The following NUDT9 variants were observed in gnomAD, a reference collection of about 807,000 sequenced individuals.
NUDT9 encodes ADP-ribose pyrophosphatase.
Under a neutral mutation model 41.0 loss-of-function variants are expected in NUDT9, and 31 were observed. The ratio of observed to expected loss-of-function variants is 0.76; its 90% CI spans 0.57 to 1.02. The LOEUF is 1.02. Ranked by LOEUF, NUDT9 falls within the 50% of genes least tolerant of loss-of-function variation. NUDT9 has a pLI of 0.00. For missense variants in NUDT9, 380 were observed against 431.4 expected (o/e 0.88, Z 1.06); for synonymous variants, 146 against 147.6 (o/e 0.99, Z 0.08).
chr4:87,452,033 C>T lies in NUDT9; in HGVS notation c.789+298C>T, dbSNP rs185610551. On this transcript the variant is annotated intron_variant, in intron 6 of 7. Transcript: ENST00000302174. ...TTCTTTTTTTTTTGAGATGGAGTCT[C>T]GCTCTGTCACCCAGGCTGGAGTGCA... Among the ~76,000 whole-genome samples, 9 of 151,358 alleles carry T rather than the reference C, an allele frequency of 5.9e-5. No individual in the cohort carries two copies. The East Asian group carries it at 9.7e-4, about 16-fold the overall frequency.
At chr4:87,446,625 T>C (rs1198969222) in intron 4 of NUDT9, among the ~76,000 whole-genome samples, 5 of 152,228 alleles carry the variant, frequency 3.3e-5, no homozygotes, top group Non-Finnish European at 7.3e-5. Context: ...GGAACCAGAT[T>C]GTCCAGGTTC....
At chr4:87,455,630 G>T (rs4642210) in intron 7 of NUDT9, among the ~76,000 whole-genome samples, 1 of 150,382 alleles carries the variant, frequency 6.6e-6, no homozygotes, top group African/African-American at 2.5e-5. Flanking sequence ...GCCTTTTAGC[G>T]TGCTTTTAGT....
intron 5 of NUDT9, 80 bp from the exon 6 acceptor site, chr4:87,451,509 T>C: frequency 9.1e-7 from 1 of 1,096,584 alleles, no homozygotes; most frequent in Non-Finnish European, 1.3e-6. Flanking sequence ...ATAATAAATG[T>C]TCACTCTACT....
intron 5 of NUDT9, 109 bp from the exon 6 acceptor site, chr4:87,451,480 A>G: frequency 1.2e-6 from 1 of 801,456 alleles, no homozygotes; most frequent in Non-Finnish European, 1.9e-6. Flanking sequence ...AATGGGGATC[A>G]CTATTATAGG....
chr4:87,441,805 T>A, intron 3 of NUDT9, 24 bp from the exon 4 acceptor site: 1 of 1,592,522 alleles, frequency 6.3e-7, no homozygotes, highest in Non-Finnish European at 8.6e-7. Context: ...TTCAATTGAT[T>A]TTATGCTTTT....
chr4:87,459,202 A>G lies in NUDT9; in HGVS notation c.*1181A>G, dbSNP rs772786337. On this transcript the variant is annotated 3_prime_UTR_variant, in exon 8 of 8. Transcript: ENST00000302174. ...AAACTAATGCAAGAACAGAAAACCA[A>G]ACACTGCATGTTCTCTTATAAGTGA... is the stretch of plus-strand genomic sequence containing the variant. 2 of 152,364 alleles carry G rather than the reference A, an allele frequency of 1.3e-5. No individual in the cohort carries two copies. The highest frequency in any genetic ancestry group is 2.9e-5 in the Non-Finnish European group (2 of 68,050). The allele number at this position is 152,364 out of a possible 1,614,324, so 9.4% of individuals were successfully genotyped here. A position where few individuals can be genotyped will look rare whatever the true frequency, so the allele number is the denominator to read the frequency against.
At position 87,422,888 on chromosome 4, in the gene NUDT9, G is replaced by A. The variant is rs1490073981; in HGVS notation, c.-18G>A. Reference sequence around the variant, plus strand: ...ACTAAGAGCGACCTAGCATCGCAAAGCCGCCCTCGGGGCGCTCATGGCGGG... The same window carrying A: ...ACTAAGAGCGACCTAGCATCGCAAAACCGCCCTCGGGGCGCTCATGGCGGG... On this transcript the variant is annotated 5_prime_UTR_variant, in exon 1 of 8. Transcript: ENST00000302174. 6.2e-7 allele frequency: 1 copy of A among 1,603,322 alleles called. No homozygotes were observed. Among genetic ancestry groups the A allele is most frequent in the Non-Finnish European group, 8.5e-7 (1 of 1,177,228 alleles).
chr4:87,425,391 C>CTTTTTTT (rs70957241), intron 1 of NUDT9, among the ~76,000 whole-genome samples: 1 of 116,740 alleles, frequency 8.6e-6, no homozygotes, highest in East Asian at 2.4e-4. Context: ...TGTTCTTTTC[C>CTTTTTTT]TTTTTTTTTT....
Position 87,438,273 on chromosome 4 carries a change from A to G in NUDT9, c.348-4A>G. The stretch of plus-strand genomic sequence containing the variant: ...CTTATTTTACATTGGTATTCTCATT[A>G]CAGTGAAAGTAATTTTTCTCCCAAG... On this transcript the variant is annotated splice_region_variant and splice_polypyrimidine_tract_variant and intron_variant, in intron 2 of 7. Transcript: ENST00000302174. 3.9e-6 allele frequency: 6 copies of G among 1,531,286 alleles called. No individual in the cohort carries two copies. Among genetic ancestry groups the G allele is most frequent in the Non-Finnish European group, 5.4e-6 (6 of 1,105,506 alleles). The allele number at this position is 1,531,286 out of a possible 1,614,324, so 94.9% of individuals were successfully genotyped here. A position where few individuals can be genotyped will look rare whatever the true frequency, so the allele number is the denominator to read the frequency against.
At chr4:87,454,282 T>A in intron 6 of NUDT9, 89 bp from the exon 7 acceptor site, 2 of 725,004 alleles carry the variant, frequency 2.8e-6, no homozygotes, top group Non-Finnish European at 5.0e-6. Context: ...AACAGGATAT[T>A]TACATTTCTG....
intron 3 of NUDT9, among the ~76,000 whole-genome samples, chr4:87,438,757 C>T (rs1722066974): frequency 6.6e-6 from 1 of 151,888 alleles, no homozygotes; most frequent in Non-Finnish European, 1.5e-5. Context: ...TAAAGATAAC[C>T]CAATAATTCG....
intron 1 of NUDT9, among the ~76,000 whole-genome samples, chr4:87,423,598 T>G (rs1311132024): frequency 6.6e-6 from 1 of 152,202 alleles, no homozygotes; most frequent in East Asian, 1.9e-4. Context: ...TTTTCTTATT[T>G]TATAGATATT....
intron 2 of NUDT9, among the ~76,000 whole-genome samples, chr4:87,436,847 C>T (rs1721959156): frequency 6.6e-6 from 1 of 152,232 alleles, no homozygotes; most frequent in Non-Finnish European, 1.5e-5. Flanking sequence ...TGTTTCAGAA[C>T]TGCCCATGAA....
intron 7 of NUDT9, among the ~76,000 whole-genome samples, chr4:87,456,824 G>C: frequency 6.6e-6 from 1 of 152,194 alleles, no homozygotes; most frequent in South Asian, 2.1e-4. Context: ...CCAGGTACTC[G>C]GGGGGCTGAG....
chr4:87,438,507 A>C (rs944110203), intron 3 of NUDT9, 135 bp downstream of exon 3: 1 of 484,554 alleles, frequency 2.1e-6, no homozygotes, highest in East Asian at 3.3e-5. Flanking sequence ...TTAAATCTGC[A>C]CAATAACCCT....
rs1723092347 is a variant in NUDT9, at chr4:87,458,733, C to T, written c.*712C>T. ...GTATGTTCATTTCACTCTAGTGAAA[C>T]TACTATATGTTGTAAATTAGTTAAA... is the stretch of plus-strand genomic sequence containing the variant. On this transcript the variant is annotated 3_prime_UTR_variant, in exon 8 of 8. Coordinates refer to ENST00000302174, the MANE Select transcript of NUDT9 (RefSeq NM_024047.5). 6.6e-6 allele frequency: 1 copy of T among 152,120 alleles called. No individual in the cohort carries two copies. Among genetic ancestry groups the T allele is most frequent in the Non-Finnish European group, 1.5e-5 (1 of 68,028 alleles). The allele number at this position is 152,120 out of a possible 1,614,324, so 9.4% of individuals were successfully genotyped here.
In NUDT9 at chr4:87,451,855, A is replaced by C. The variant is rs113699030; in HGVS notation, c.789+120A>C. The stretch of plus-strand genomic sequence containing the variant: ...AAAGTGGAATACTTGTATATTTAAA[A>C]TATATTCACAAAAACAAATTACAGA... On this transcript the variant is annotated intron_variant, in intron 6 of 7. Transcript: ENST00000302174. 2.3e-3 allele frequency: 1,857 copies of C among 800,898 alleles called. 12 individuals are homozygous for C. In the African/African-American group the frequency reaches 0.026, roughly 11 times the overall value. The allele number at this position is 800,898 out of a possible 1,614,324, so 49.6% of individuals were successfully genotyped here. A position where few individuals can be genotyped will look rare whatever the true frequency, so the allele number is the denominator to read the frequency against.
At chr4:87,437,440 A>G (rs1450100836) in intron 2 of NUDT9, among the ~76,000 whole-genome samples, 1 of 151,850 alleles carries the variant, frequency 6.6e-6, no homozygotes, top group Non-Finnish European at 1.5e-5. Flanking sequence ...TCCTGGGTTC[A>G]CGCCATTCTC....
intron 1 of NUDT9, among the ~76,000 whole-genome samples, chr4:87,433,525 C>T (rs931532020): frequency 1.3e-5 from 2 of 152,218 alleles, no homozygotes; most frequent in Non-Finnish European, 2.9e-5. Context: ...ACTTAGTCCA[C>T]AACCTTGGTC....
Sources: gnomAD v4.1 joint callset for allele counts (sites outside exome capture counted in the v4.1 genomes callset) on GRCh38, gnomAD v4.1.1 for gene constraint, MANE v1.5 for transcripts, NCBI Gene and HGNC (gene_info 2026-07-23, HGNC 2026-07-21) for gene names.